SNX18: variants seen among roughly 807,000 people sequenced by gnomAD.
The protein encoded by SNX18 is sorting nexin-18.
A neutral mutation model predicts 48.7 loss-of-function variants in SNX18; 35 were observed. That is an observed-to-expected ratio of 0.72 (90% CI 0.55 to 0.95). The LOEUF (loss-of-function observed/expected upper bound fraction) is 0.95, where lower values mean the gene tolerates loss of function less well. Ranked by LOEUF, SNX18 falls within the 40% of genes least tolerant of loss-of-function variation. SNX18 has a pLI of 0.00. For synonymous variants in SNX18, 492 were observed against 384.7 expected (o/e 1.28, Z -3.26); for missense variants, 824 against 871.0 (o/e 0.95, Z 0.68).
At chr5:54,529,587 T>C (rs1207018822) in intron 1 of SNX18, among the ~76,000 whole-genome samples, 1 of 152,196 alleles carries the variant, frequency 6.6e-6, no homozygotes, top group East Asian at 1.9e-4. Flanking sequence ...ATTGAGTACT[T>C]ACTACGTGAT....
intron 1 of SNX18, among the ~76,000 whole-genome samples, chr5:54,530,961 C>G (rs566861537): frequency 5.5e-4 from 83 of 151,768 alleles, no homozygotes; most frequent in Admixed American, 7.9e-4. Context: ...TCATGTTGGC[C>G]AGGCTTGTCT....
the SNX18 span, among the ~76,000 whole-genome samples, chr5:54,552,196 G>A: frequency 6.6e-6 from 1 of 152,208 alleles, no homozygotes; most frequent in Non-Finnish European, 1.5e-5. Flanking sequence ...ACATTCGTGA[G>A]CGGCTGGCTG....
chr5:54,632,524 G>T, the SNX18 span, among the ~76,000 whole-genome samples: 56 of 152,286 alleles, frequency 3.7e-4, 1 homozygote, highest in African/African-American at 1.3e-3. Flanking sequence ...CGCAGGCTGA[G>T]TGAAGGCTGC....
chr5:54,615,333 C>T, the SNX18 span, among the ~76,000 whole-genome samples: 150 of 152,314 alleles, frequency 9.8e-4, 1 homozygote, highest in African/African-American at 3.5e-3. Context: ...GTAGTCTACC[C>T]ACCCTAGACT....
intron 1 of SNX18, among the ~76,000 whole-genome samples, chr5:54,522,190 T>C (rs1411826498): frequency 1.3e-5 from 2 of 152,216 alleles, no homozygotes; most frequent in African/African-American, 4.8e-5. Flanking sequence ...GATGCTAGTG[T>C]AGGCCATTTT....
chr5:54,611,711 T>TC, the SNX18 span, among the ~76,000 whole-genome samples: 2 of 151,810 alleles, frequency 1.3e-5, no homozygotes, highest in African/African-American at 2.4e-5. Context: ...TAAACGCCAC[T>TC]CACATAAGCC....
At chr5:54,610,356 G>A in the SNX18 span, among the ~76,000 whole-genome samples, 5 of 151,954 alleles carry the variant, frequency 3.3e-5, no homozygotes, top group South Asian at 8.3e-4. Context: ...ACATTGCTCC[G>A]ACTTTACACA....
In SNX18 at chr5:54,519,293, C is replaced by G. The variant is rs765139851; in HGVS notation, c.1341C>G (p.His447Gln). The G allele has an allele frequency of 3.1e-6, 5 of 1,614,122 alleles. No homozygotes were observed. In the East Asian group the frequency reaches 1.1e-4, roughly 36 times the overall value. Residue 447 changes from histidine to glutamine, a missense_variant, in exon 1 of 2, where the codon CAC (histidine) becomes CAG (glutamine). By Grantham distance (24) the His-to-Gln change is conservative. Around this residue, in one of 3 missense-constraint regions of SNX18, gnomAD observed 443 missense variants for 503.6 expected, o/e 0.88. Transcript: ENST00000381410. The stretch of plus-strand genomic sequence containing the variant: ...ACGACAGCGCGCTGCAGCTCAACCA[C>G]ACGGCCAACGAGTTCGCGCGCAAGC... ...KMDDSALQLN[H>Q]TANEFARKQV...
chr5:54,608,763 A>G, the SNX18 span, among the ~76,000 whole-genome samples: 1 of 152,214 alleles, frequency 6.6e-6, no homozygotes, highest in South Asian at 2.1e-4. Flanking sequence ...TCAAGTGTGC[A>G]TCACTTTATT....
chr5:54,594,378 C>T, the SNX18 span, among the ~76,000 whole-genome samples: 15 of 152,092 alleles, frequency 9.9e-5, no homozygotes, highest in Non-Finnish European at 2.2e-4. Flanking sequence ...CCCTTATGTG[C>T]AGAAAAGAGT....
At chr5:54,629,303 A>G in the SNX18 span, among the ~76,000 whole-genome samples, 1 of 152,152 alleles carries the variant, frequency 6.6e-6, no homozygotes, top group African/African-American at 2.4e-5. Context: ...GAATGTGGAG[A>G]GGAGCCACCA....
the SNX18 span, among the ~76,000 whole-genome samples, chr5:54,628,906 G>A: frequency 6.6e-6 from 1 of 152,010 alleles, no homozygotes; most frequent in African/African-American, 2.4e-5. Flanking sequence ...TCTCCCCCTC[G>A]AGAAAACCCT....
At chr5:54,567,309 T>A in the SNX18 span, among the ~76,000 whole-genome samples, 4 of 151,624 alleles carry the variant, frequency 2.6e-5, no homozygotes, top group African/African-American at 9.7e-5. Context: ...CAAAGGTAAA[T>A]GAGTGACAGT....
intron 1 of SNX18, among the ~76,000 whole-genome samples, chr5:54,532,485 A>G (rs1762268038): frequency 6.6e-6 from 1 of 152,058 alleles, no homozygotes; most frequent in Non-Finnish European, 1.5e-5. Context: ...TATGGTCAGC[A>G]TTATCAAGGA....
intron 1 of SNX18, among the ~76,000 whole-genome samples, chr5:54,526,793 G>T (rs1762139509): frequency 6.6e-6 from 1 of 152,148 alleles, no homozygotes; most frequent in Non-Finnish European, 1.5e-5. Flanking sequence ...ATGTATGTTG[G>T]AGTTTGGTAT....
chr5:54,582,201 AAC>A, the SNX18 span, among the ~76,000 whole-genome samples: 9 of 152,168 alleles, frequency 5.9e-5, no homozygotes, highest in Non-Finnish European at 1.3e-4. Flanking sequence ...AAGAGAGAAA[AAC>A]AGATTACGGT....
At chr5:54,528,418 T>C (rs952768076) in intron 1 of SNX18, among the ~76,000 whole-genome samples, 4 of 152,140 alleles carry the variant, frequency 2.6e-5, no homozygotes, top group African/African-American at 7.2e-5. Context: ...AATAAGACAG[T>C]GCATGGGAGT....
chr5:54,570,841 C>T, the SNX18 span, among the ~76,000 whole-genome samples: 1 of 152,194 alleles, frequency 6.6e-6, no homozygotes, highest in Middle Eastern at 3.2e-3. Context: ...TTAAAAACTT[C>T]AGTCTGAAAG....
chr5:54,617,187 C>T, the SNX18 span, among the ~76,000 whole-genome samples: 1 of 152,196 alleles, frequency 6.6e-6, no homozygotes, highest in African/African-American at 2.4e-5. Context: ...AGCCGCAAGG[C>T]CTCTCCTTTC....
Sources: allele counts gnomAD v4.1 joint callset (sites outside exome capture counted in the v4.1 genomes callset), GRCh38; gene constraint gnomAD v4.1.1; regional missense constraint gnomAD v4.1.1; transcripts MANE v1.5; gene names NCBI Gene and HGNC (gene_info 2026-07-23, HGNC 2026-07-21).